Variants in STK33 observed in about 807,000 individuals in gnomAD.
STK33 encodes the protein serine/threonine kinase 33.
A neutral mutation model predicts 58.0 loss-of-function variants in STK33; 52 were observed. The observed-to-expected ratio is 0.90, with a 90% CI of 0.72 to 1.13. The LOEUF is 1.13. Among genes scored for constraint, STK33 ranks in the 50% most tolerant of loss-of-function variants. The pLI is 0.00. For synonymous variants in STK33, 215 were observed against 200.1 expected (o/e 1.07, Z -0.63); for missense variants, 630 against 604.2 (o/e 1.04, Z -0.45).
intron 12 of STK33, among the ~76,000 whole-genome samples, chr11:8,437,653 TTTTC>T (rs1028381192): frequency 6.3e-5 from 3 of 47,652 alleles, no homozygotes; most frequent in Non-Finnish European, 1.3e-4. Context: ...TTCTTTATAT[TTTTC>T]TTTATTTAAA....
intron 2 of STK33, among the ~76,000 whole-genome samples, chr11:8,479,780 T>C (rs1412181813): frequency 6.6e-6 from 1 of 151,978 alleles, no homozygotes; most frequent in Non-Finnish European, 1.5e-5. Flanking sequence ...GAGGCAGAGG[T>C]TGCAGTGAGC....
chr11:8,563,689 G>T lies in STK33; in HGVS notation c.-466+30394C>A, dbSNP rs375957894. On this transcript the variant is annotated intron_variant, in intron 1 of 15. Coordinates refer to ENST00000687296, the MANE Select transcript of STK33 (RefSeq NM_001352389.2). ...TTACATAATACACAAAGTGAAGGAA[G>T]AGTCCTCAAGAGTGAGAACTGAATT... Among the ~76,000 whole-genome samples the T allele has an allele frequency of 1.9e-4, 29 of 152,272 alleles. No homozygotes were observed. In the East Asian group the frequency reaches 5.2e-3, roughly 27 times the overall value.
intron 11 of STK33, among the ~76,000 whole-genome samples, chr11:8,446,711 A>G (rs1162406121): frequency 6.6e-6 from 1 of 152,216 alleles, no homozygotes; most frequent in African/African-American, 2.4e-5. Context: ...GAAACAAGCA[A>G]TGGGGAAAGG....
At chr11:8,407,841 G>C (rs1033358710) in intron 15 of STK33, among the ~76,000 whole-genome samples, 1 of 152,042 alleles carries the variant, frequency 6.6e-6, no homozygotes, top group African/African-American at 2.4e-5. Context: ...ACAGAGCTCA[G>C]CAAACCCCAA....
chr11:8,488,433 T>C (rs1950339506), intron 1 of STK33, among the ~76,000 whole-genome samples: 1 of 151,996 alleles, frequency 6.6e-6, no homozygotes, highest in African/African-American at 2.4e-5. Context: ...TCCTAAACTC[T>C]AATCTCTGGC....
intron 1 of STK33, among the ~76,000 whole-genome samples, chr11:8,530,479 T>C (rs893803989): frequency 6.6e-6 from 1 of 151,632 alleles, no homozygotes; most frequent in African/African-American, 2.4e-5. Context: ...GAAAAAAATC[T>C]ACCACCACCA....
chr11:8,424,898 T>C (rs1564922319), intron 14 of STK33, among the ~76,000 whole-genome samples: 1 of 138,670 alleles, frequency 7.2e-6, no homozygotes, highest in Admixed American at 7.2e-5. Context: ...CTTTGTCAGA[T>C]GAGTAGATTG....
At chr11:8,424,651 T>G (rs1234335524) in intron 14 of STK33, among the ~76,000 whole-genome samples, 2 of 149,534 alleles carry the variant, frequency 1.3e-5, no homozygotes, top group Non-Finnish European at 3.0e-5. Flanking sequence ...CCAGCACCTG[T>G]TGTTTCCTGA....
chr11:8,535,604 G>C (rs1278642044), intron 1 of STK33, among the ~76,000 whole-genome samples: 2 of 152,166 alleles, frequency 1.3e-5, no homozygotes, highest in Non-Finnish European at 1.5e-5. Flanking sequence ...CAAGGATGTA[G>C]AGAAAAGGGA....
chr11:8,550,760 CA>C (rs1252146079), intron 1 of STK33, among the ~76,000 whole-genome samples: 1 of 152,168 alleles, frequency 6.6e-6, no homozygotes, highest in African/African-American at 2.4e-5. Flanking sequence ...TCACCTTCAG[CA>C]TTTTGGGCAA....
chr11:8,487,253 G>GT (rs1367555989), intron 1 of STK33, among the ~76,000 whole-genome samples: 2 of 151,626 alleles, frequency 1.3e-5, no homozygotes, highest in African/African-American at 4.8e-5. Flanking sequence ...GCAAGACCCC[G>GT]TCTCTACAAA....
rs191708385 is a variant in STK33 at position 8,521,085 on chromosome 11, A to C, written c.-465-40471T>G. On this transcript the variant is annotated intron_variant, in intron 1 of 15. Coordinates refer to ENST00000687296, the MANE Select transcript of STK33 (RefSeq NM_001352389.2). ...TTATAATTTGTTCAATGCCATCTCC[A>C]TCAAGCTACCAATGACTTTCTTCAC... Among the ~76,000 whole-genome samples the C allele has an allele frequency of 2.2e-4, 34 of 151,786 alleles. No homozygotes were observed. The East Asian group carries it at 5.2e-3, about 23-fold the overall frequency.
chr11:8,374,040 C>A, the STK33 span, among the ~76,000 whole-genome samples: 1 of 152,262 alleles, frequency 6.6e-6, no homozygotes, highest in Admixed American at 6.5e-5. Context: ...GTTATTAACA[C>A]AATGCTTATG....
intron 1 of STK33, among the ~76,000 whole-genome samples, chr11:8,508,266 C>CTTTTTTTTTTTTT (rs34759366): frequency 1.1e-4 from 13 of 114,260 alleles, no homozygotes; most frequent in African/African-American, 3.5e-4. Flanking sequence ...ACCTTCTATT[C>CTTTTTTTTTTTTT]TTTTTTTTTT....
intron 1 of STK33, among the ~76,000 whole-genome samples, chr11:8,532,886 A>G (rs1378015525): frequency 6.6e-6 from 1 of 152,242 alleles, no homozygotes; most frequent in African/African-American, 2.4e-5. Flanking sequence ...CATAAACAAT[A>G]TATCAGATTT....
At chr11:8,390,210 T>TA (rs1203647676), downstream of STK33, among the ~76,000 whole-genome samples, 1 of 152,214 alleles carries the variant, frequency 6.6e-6, no homozygotes, top group East Asian at 1.9e-4. Flanking sequence ...TTGCCTGCCT[T>TA]ATCTGTCACT....
Position 8,557,359 on chromosome 11 carries a change from T to TGGAAGGAA in STK33, c.-466+36716_-466+36723dup, listed in dbSNP as rs147551157. Among the ~76,000 whole-genome samples, 22 of 116,202 alleles carry TGGAAGGAA rather than the reference T, an allele frequency of 1.9e-4. No individual in the cohort carries two copies. In the South Asian group the frequency reaches 4.7e-3, roughly 25 times the overall value. 76.2% of individuals were successfully genotyped at this position (116,202 alleles called of 152,430 possible). A position where few individuals can be genotyped will look rare whatever the true frequency, so the allele number is the denominator to read the frequency against. On this transcript the variant is annotated intron_variant, in intron 1 of 15. Coordinates refer to ENST00000687296, the MANE Select transcript of STK33 (RefSeq NM_001352389.2). ...CAAGGAGGGAGGGAGGAAAGAAGGA[T>TGGAAGGAA]GGAAGGAAGGAAGGAAGGAAGGAAA...
the STK33 span, among the ~76,000 whole-genome samples, chr11:8,349,939 T>C: frequency 6.6e-6 from 1 of 152,264 alleles, no homozygotes; most frequent in African/African-American, 2.4e-5. Context: ...TTCAGAGGGC[T>C]CTGCCCTGAG....
At chr11:8,369,247 T>C in the STK33 span, among the ~76,000 whole-genome samples, 3 of 152,088 alleles carry the variant, frequency 2.0e-5, no homozygotes, top group Non-Finnish European at 4.4e-5. Flanking sequence ...AGTCACTTTT[T>C]TTTTACCTTC....
Sources: allele counts gnomAD v4.1 joint callset (sites outside exome capture counted in the v4.1 genomes callset), GRCh38; gene constraint gnomAD v4.1.1; transcripts MANE v1.5; gene names NCBI Gene and HGNC (gene_info 2026-07-23, HGNC 2026-07-21).